Variants in SOX5 observed in about 807,000 individuals in gnomAD.
SOX5 encodes the protein SRY-box transcription factor 5, also known as transcription factor SOX-5.
A neutral mutation model predicts 92.0 loss-of-function variants in SOX5; 9 were observed. The observed-to-expected ratio is 0.10, with a 90% CI of 0.06 to 0.17. The LOEUF (loss-of-function observed/expected upper bound fraction) is 0.17, where lower values mean the gene tolerates loss of function less well. SOX5 is among the 10% of genes least tolerant of loss of function. The probability of loss-of-function intolerance (pLI) is 1.00; values close to 1 mark genes in which losing one functional copy is unlikely to be tolerated. For synonymous variants in SOX5, 344 were observed against 336.3 expected (o/e 1.02, Z -0.25); for missense variants, 642 against 944.5 (o/e 0.68, Z 4.20).
At chr12:23,895,489 T>C (rs988016602) in intron 2 of SOX5, among the ~76,000 whole-genome samples, 1 of 152,178 alleles carries the variant, frequency 6.6e-6, no homozygotes, top group Non-Finnish European at 1.5e-5. Context: ...CAAATTTTCA[T>C]GCTGAATAAT....
intron 1 of SOX5, among the ~76,000 whole-genome samples, chr12:24,456,644 G>C (rs764138244): frequency 2.0e-5 from 3 of 152,168 alleles, no homozygotes; most frequent in Non-Finnish European, 4.4e-5. Context: ...TGTGGGAACT[G>C]ACCACAGAGC....
intron 6 of SOX5, among the ~76,000 whole-genome samples, chr12:23,679,560 A>G (rs1481514444): frequency 1.3e-5 from 2 of 152,218 alleles, no homozygotes; most frequent in Admixed American, 6.5e-5. Flanking sequence ...ATAATGTACT[A>G]CTATAACTCA....
chr12:24,127,972 T>C (rs928438984), intron 4 of SOX5, among the ~76,000 whole-genome samples: 11 of 152,232 alleles, frequency 7.2e-5, no homozygotes, highest in African/African-American at 2.7e-4. Context: ...CCTCCTAGGA[T>C]TTGGTGAAAA....
chr12:23,970,103 C>T (rs1465292949), intron 4 of SOX5, among the ~76,000 whole-genome samples: 1 of 152,122 alleles, frequency 6.6e-6, no homozygotes, highest in African/African-American at 2.4e-5. Flanking sequence ...CAGTTTATCA[C>T]AATAATATTC....
Position 24,171,273 on chromosome 12 carries a change from G to GAGT in SOX5, c.-2+42067_-2+42069dup, listed in dbSNP as rs1314481361. ...GAGTCTCGCTCTGTCACCCAGGCTG[G>GAGT]AGTGCAGTGGCCCAATCTTGGCTCA... On this transcript the variant is annotated intron_variant, in intron 4 of 4. Transcript: ENST00000446891. 4.0e-4 allele frequency among the ~76,000 whole-genome samples: 55 copies of GAGT among 136,850 alleles called. 1 individual carries two copies. The Admixed American group carries it at 4.3e-3, about 11-fold the overall frequency. The allele number at this position is 136,850 out of a possible 152,430, so 89.8% of individuals were successfully genotyped here.
chr12:24,118,657 G>T (rs1281340874), intron 4 of SOX5, among the ~76,000 whole-genome samples: 2 of 152,102 alleles, frequency 1.3e-5, no homozygotes, highest in African/African-American at 4.8e-5. Context: ...ATCTGTAGAT[G>T]AAAGCAGACA....
At chr12:23,680,057 G>A (rs924177206) in intron 6 of SOX5, among the ~76,000 whole-genome samples, 1 of 151,914 alleles carries the variant, frequency 6.6e-6, no homozygotes, top group African/African-American at 2.4e-5. Context: ...CGGGCATGGT[G>A]GCTCATGCCT....
At chr12:24,240,770 T>C (rs1387098262) in intron 3 of SOX5, among the ~76,000 whole-genome samples, 1 of 152,222 alleles carries the variant, frequency 6.6e-6, no homozygotes, top group Non-Finnish European at 1.5e-5. Context: ...TCCTATCAAG[T>C]GGCTGTTACT....
chr12:24,167,190 G>A (rs982568828), intron 4 of SOX5, among the ~76,000 whole-genome samples: 1 of 152,122 alleles, frequency 6.6e-6, no homozygotes, highest in African/African-American at 2.4e-5. Flanking sequence ...TCTTTAGGAG[G>A]ATAACGATAG....
Position 24,393,633 on chromosome 12 carries a change from A to G in SOX5, c.-250-24994T>C, listed in dbSNP as rs538164541. Among the ~76,000 whole-genome samples, 6 of 152,346 alleles carry G rather than the reference A, an allele frequency of 3.9e-5. No homozygotes were observed. In the South Asian group the frequency reaches 1.0e-3, roughly 26 times the overall value. On this transcript the variant is annotated intron_variant, in intron 1 of 4. Transcript: ENST00000446891. The surrounding 1 kb of genome is among the most constrained non-coding windows in gnomAD (Gnocchi z 5.0). ...AAATAGATAATCTTTTATACGGATT[A>G]CGCTTTAAGACATGGCCCTTGTCAT...
rs571362449 is a variant in SOX5 at position 23,634,073 on chromosome 12, C to A, written c.1017+6739G>T. On this transcript the variant is annotated intron_variant, in intron 8 of 14. Transcript: ENST00000451604. ...TGGCCATTAAATTAATATCATTTAA[C>A]GCAGAAATCAATATATGCTGCTTTT... 1.1e-4 allele frequency among the ~76,000 whole-genome samples: 17 copies of A among 152,112 alleles called. No individual in the cohort carries two copies. In the East Asian group the frequency reaches 2.9e-3, roughly 26 times the overall value.
chr12:24,240,534 C>A (rs1221650745), intron 3 of SOX5, among the ~76,000 whole-genome samples: 3 of 152,156 alleles, frequency 2.0e-5, no homozygotes, highest in Admixed American at 1.3e-4. Context: ...TATTAAAATT[C>A]TTTATCTTAC....
At chr12:24,077,623 G>A (rs1195120427) in intron 4 of SOX5, among the ~76,000 whole-genome samples, 1 of 151,444 alleles carries the variant, frequency 6.6e-6, no homozygotes, top group Non-Finnish European at 1.5e-5. Flanking sequence ...TGTATGCTTC[G>A]CTCTGGAAAG....
chr12:24,399,358 A>G (rs763267608), intron 1 of SOX5, among the ~76,000 whole-genome samples: 1 of 152,234 alleles, frequency 6.6e-6, no homozygotes, highest in African/African-American at 2.4e-5. Context: ...AAACCAATAC[A>G]TATCAGATAT....
intron 2 of SOX5, among the ~76,000 whole-genome samples, chr12:24,320,177 G>A (rs965593284): frequency 6.6e-6 from 1 of 152,194 alleles, no homozygotes; most frequent in East Asian, 1.9e-4. Flanking sequence ...AGGGGGAAAA[G>A]TATTACTTTA....
At chr12:24,185,258 T>G (rs1955899528) in intron 4 of SOX5, among the ~76,000 whole-genome samples, 1 of 152,146 alleles carries the variant, frequency 6.6e-6, no homozygotes, top group Non-Finnish European at 1.5e-5. Context: ...TAAAAATATG[T>G]AATCACTTCC....
chr12:23,952,011 T>C (rs1945717739), upstream of SOX5, among the ~76,000 whole-genome samples: 1 of 152,214 alleles, frequency 6.6e-6, no homozygotes, highest in Non-Finnish European at 1.5e-5. Context: ...ACAAAAATTA[T>C]ATTTTTCTTC....
At chr12:24,381,207 A>T (rs1014707870) in intron 1 of SOX5, among the ~76,000 whole-genome samples, 2 of 152,216 alleles carry the variant, frequency 1.3e-5, no homozygotes, top group African/African-American at 4.8e-5. Flanking sequence ...ACGAAAAACC[A>T]AAACAACAAA....
chr12:24,157,299 T>C (rs11047286), intron 4 of SOX5, among the ~76,000 whole-genome samples: 18 of 152,264 alleles, frequency 1.2e-4, no homozygotes, highest in African/African-American at 3.6e-4. Context: ...CAGAATTGCA[T>C]ACAATTATTA....
Sources: allele counts gnomAD v4.1 joint callset (sites outside exome capture counted in the v4.1 genomes callset), GRCh38; gene constraint gnomAD v4.1.1; non-coding constraint Gnocchi (gnomAD v3.1); transcripts MANE v1.5; gene names NCBI Gene and HGNC (gene_info 2026-07-23, HGNC 2026-07-21).